LAMA2: variants seen among roughly 807,000 people sequenced by gnomAD.
LAMA2 encodes laminin subunit alpha-2.
LAMA2 carries 269 observed loss-of-function variants against 364.8 expected under a neutral mutation model. The ratio of observed to expected loss-of-function variants is 0.74; its 90% CI spans 0.67 to 0.82. The LOEUF (loss-of-function observed/expected upper bound fraction) is 0.82, where lower values mean the gene tolerates loss of function less well. LAMA2 is among the 40% of genes least tolerant of loss of function. LAMA2 has a pLI of 0.00. For synonymous variants in LAMA2, 1,379 were observed against 1,370.6 expected, an observed-to-expected ratio of 1.01 and a Z score of -0.14; for missense variants, 3,807 against 3,873.2, an observed-to-expected ratio of 0.98 and a Z score of 0.45.
At chr6:129,218,411 C>A (rs893587331) in intron 12 of LAMA2, among the ~76,000 whole-genome samples, 20 of 152,050 alleles carry the variant, frequency 1.3e-4, no homozygotes, top group African/African-American at 4.8e-4. Flanking sequence ...TACAATGAAA[C>A]ATACTTGGGC....
intron 1 of LAMA2, among the ~76,000 whole-genome samples, chr6:128,945,468 G>C (rs1042491942): frequency 6.6e-6 from 1 of 152,116 alleles, no homozygotes; most frequent in Non-Finnish European, 1.5e-5. Flanking sequence ...CCTTCTATCT[G>C]TCATAAAATC....
intron 1 of LAMA2, among the ~76,000 whole-genome samples, chr6:128,913,710 G>A (rs1778127760): frequency 6.6e-6 from 1 of 152,154 alleles, no homozygotes. Flanking sequence ...ATTAGAGGAA[G>A]CTTATTAGCA....
In LAMA2 at chr6:129,205,493, TACACAC is replaced by T. The variant is rs767013359; in HGVS notation, c.1782+12675_1782+12680del. On this transcript the variant is annotated intron_variant, in intron 12 of 64. Transcript: ENST00000421865. ...TATTCTGTAAGTATATATATATATA[TACACAC>T]ACACACACACACACACACACACACA... Among the ~76,000 whole-genome samples the T allele has an allele frequency of 6.5e-3, 680 of 104,176 alleles. 14 individuals carry two copies. The highest frequency in any genetic ancestry group is 0.016 in the African/African-American group (293 of 18,138). The allele number at this position is 104,176 out of a possible 152,430, so 68.3% of individuals were successfully genotyped here.
At position 129,440,836 on chromosome 6, in the gene LAMA2, G is replaced by A. The variant is rs1554297641; in HGVS notation, c.6106G>A (p.Ala2036Thr). ...GACAGATACAGCTGCTAAACTGCAA[G>A]CTGTTAAGGACAAAGCCAGACAAGC... is the stretch of plus-strand genomic sequence containing the variant. ...IPNDTAAKLQ[A>T]VKDKARQAND... Residue 2036 changes from alanine (A) to threonine (T), a missense_variant, in exon 43 of 65, where the codon GCT (alanine) becomes ACT (threonine). Ala to Thr is a moderately conservative substitution (Grantham distance 58). Transcript: ENST00000421865. 1 of 1,613,868 alleles carries A rather than the reference G, an allele frequency of 6.2e-7. No homozygotes were observed. The highest frequency in any genetic ancestry group is 1.1e-5 in the South Asian group (1 of 91,072).
chr6:129,036,322 G>A (rs573644324), intron 1 of LAMA2, among the ~76,000 whole-genome samples: 4 of 152,202 alleles, frequency 2.6e-5, no homozygotes, highest in Admixed American at 2.6e-4. Context: ...TAATTAGATG[G>A]ATGATGTCCT....
chr6:129,509,291 C>T (rs1168924205), intron 62 of LAMA2, among the ~76,000 whole-genome samples: 1 of 151,920 alleles, frequency 6.6e-6, no homozygotes, highest in East Asian at 1.9e-4. Flanking sequence ...ATATTTTATC[C>T]CATTCTGTGG....
intron 1 of LAMA2, among the ~76,000 whole-genome samples, chr6:129,005,395 T>G (rs944040580): frequency 2.6e-5 from 4 of 152,108 alleles, no homozygotes; most frequent in South Asian, 2.1e-4. Context: ...CCCTAGAAAT[T>G]TTAATAAATG....
intron 1 of LAMA2, among the ~76,000 whole-genome samples, chr6:128,995,291 A>C (rs766736801): frequency 1.3e-5 from 2 of 152,188 alleles, no homozygotes; most frequent in African/African-American, 2.4e-5. Flanking sequence ...GTACAAATGA[A>C]TCTGTCATTC....
At chr6:129,061,237 A>G (rs957611461) in intron 3 of LAMA2, among the ~76,000 whole-genome samples, 2 of 152,190 alleles carry the variant, frequency 1.3e-5, no homozygotes, top group African/African-American at 4.8e-5. Context: ...TAGTCTCCCA[A>G]TCAAGAGTGA....
At chr6:129,492,578 T>C in intron 58 of LAMA2, 95 bp downstream of exon 58, 1 of 1,110,814 alleles carries the variant, frequency 9.0e-7, no homozygotes, top group Non-Finnish European at 1.4e-6. Context: ...TAGTACACTC[T>C]GATATTAGAA....
chr6:129,280,112 ATGC>A lies in LAMA2; in HGVS notation c.2503_2505del (p.Cys835del), dbSNP rs1224037371. 6.2e-7 allele frequency: 1 copy of A among 1,613,330 alleles called. No homozygotes were observed. Among genetic ancestry groups the A allele is most frequent in the Non-Finnish European group, 8.5e-7 (1 of 1,179,412 alleles). On this transcript the variant is annotated inframe_deletion, in exon 18 of 65. Coordinates refer to ENST00000421865, the MANE Select transcript of LAMA2 (RefSeq NM_000426.4). ...GGAGTCTTGGATTGATCTGTGATGGATGCCCTGTCGGGTACACAGGACCACGCT... is the reference window on the plus strand; with the variant it reads ...GGAGTCTTGGATTGATCTGTGATGGACCTGTCGGGTACACAGGACCACGCT...
Position 129,441,191 on chromosome 6 carries a change from C to T in LAMA2, c.6268+193C>T, listed in dbSNP as rs56286736. On this transcript the variant is annotated intron_variant, in intron 43 of 64. Coordinates refer to ENST00000421865, the MANE Select transcript of LAMA2 (RefSeq NM_000426.4). ...GAATCCAAGTCTTCTAGCTCTGCCC[C>T]GGTGCTTTTTTCCTCTGAAATTTTT... 0.026 allele frequency among the ~76,000 whole-genome samples: 3,909 copies of T among 152,150 alleles called. 169 individuals carry two copies. Among genetic ancestry groups the T allele is most frequent in the African/African-American group, 0.089 (3,698 of 41,484 alleles).
chr6:129,024,217 A>G (rs1785645694), intron 1 of LAMA2, among the ~76,000 whole-genome samples: 1 of 152,090 alleles, frequency 6.6e-6, no homozygotes, highest in South Asian at 2.1e-4. Context: ...ATTGTGTTAT[A>G]CAGAGAATAT....
At chr6:129,492,270 CAAA>C in intron 57 of LAMA2, 42 bp from the exon 58 acceptor site, 1 of 1,593,654 alleles carries the variant, frequency 6.3e-7, no homozygotes, top group South Asian at 1.1e-5. Context: ...TGTAAGGAAG[CAAA>C]AAAACGAAAA....
At chr6:129,181,938 G>C (rs760636798) in intron 10 of LAMA2, among the ~76,000 whole-genome samples, 1 of 151,620 alleles carries the variant, frequency 6.6e-6, no homozygotes, top group Non-Finnish European at 1.5e-5. Context: ...TATCTTTATT[G>C]TGAGTGTTTA....
At chr6:129,281,005 A>G (rs557718180) in intron 18 of LAMA2, among the ~76,000 whole-genome samples, 1 of 152,140 alleles carries the variant, frequency 6.6e-6, no homozygotes, top group Non-Finnish European at 1.5e-5. Context: ...TTCAACCAGG[A>G]TGCATAAAAT....
At chr6:129,441,598 G>A (rs1782118009) in intron 43 of LAMA2, among the ~76,000 whole-genome samples, 1 of 152,020 alleles carries the variant, frequency 6.6e-6, no homozygotes, top group Non-Finnish European at 1.5e-5. Context: ...AAACCTGAGA[G>A]AAAATATCAT....
At chr6:129,264,531 G>T (rs1002800725) in intron 15 of LAMA2, among the ~76,000 whole-genome samples, 1 of 151,990 alleles carries the variant, frequency 6.6e-6, no homozygotes, top group African/African-American at 2.4e-5. Context: ...TTTTTGGAAG[G>T]CGTCATAAAC....
intron 34 of LAMA2, among the ~76,000 whole-genome samples, chr6:129,381,850 G>A (rs1184425633): frequency 1.3e-5 from 2 of 152,072 alleles, no homozygotes; most frequent in Non-Finnish European, 2.9e-5. Flanking sequence ...TTTCATTTGT[G>A]ATGTTAACAC....
Sources: gnomAD v4.1 joint callset for allele counts (sites outside exome capture counted in the v4.1 genomes callset) on GRCh38, gnomAD v4.1.1 for gene constraint, MANE v1.5 for transcripts, NCBI Gene and HGNC (gene_info 2026-07-23, HGNC 2026-07-21) for gene names.